The following ATL2 variants were observed in gnomAD, a reference collection of about 807,000 sequenced individuals.
ATL2 encodes atlastin GTPase 2.
ATL2 carries 31 observed loss-of-function variants against 73.9 expected under a neutral mutation model. The observed-to-expected ratio is 0.42, with a 90% CI of 0.32 to 0.57. The LOEUF is 0.57. Among genes scored for constraint, ATL2 ranks in the 20% least tolerant of loss-of-function variants. The pLI, the probability that ATL2 is intolerant of heterozygous loss-of-function variation, is 0.14. For missense variants in ATL2, 738 were observed against 702.6 expected (o/e 1.05, Z -0.57); for synonymous variants, 291 against 237.5 (o/e 1.23, Z -2.07).
At chr2:38,331,612 C>CAAAAAAA (rs35381890) in intron 2 of ATL2, among the ~76,000 whole-genome samples, 1 of 92,148 alleles carries the variant, frequency 1.1e-5, no homozygotes, top group African/African-American at 3.9e-5. Context: ...GACTCCATCT[C>CAAAAAAA]AAAAAAAAAA....
In ATL2 at chr2:38,360,008, T is replaced by G. The variant is rs147518178; in HGVS notation, c.119-16496A>C. On this transcript the variant is annotated intron_variant, in intron 1 of 12. Coordinates refer to ENST00000378954, the MANE Select transcript of ATL2 (RefSeq NM_001135673.4). ...AGCTGGGCGTGGTGGCAGATGCCTG[T>G]AATCCCAGCTACTTGGGAGGCTGAG... is the stretch of plus-strand genomic sequence containing the variant. Among the ~76,000 whole-genome samples, 1,048 of 151,590 alleles carry G rather than the reference T, an allele frequency of 6.9e-3. 11 individuals are homozygous for G. The highest frequency in any genetic ancestry group is 0.058 in the East Asian group (296 of 5,122).
intron 9 of ATL2, among the ~76,000 whole-genome samples, chr2:38,306,249 T>C (rs1456364740): frequency 3.3e-5 from 5 of 152,138 alleles, no homozygotes; most frequent in Non-Finnish European, 7.4e-5. Flanking sequence ...AAAGCCATAA[T>C]AAAAAGTCTC....
chr2:38,305,461 A>G (rs1045692109), intron 9 of ATL2, among the ~76,000 whole-genome samples: 3 of 152,146 alleles, frequency 2.0e-5, no homozygotes, highest in African/African-American at 7.2e-5. Flanking sequence ...AGGCAGGAGA[A>G]TCACTTGAAC....
chr2:38,358,688 T>C (rs1240524302), intron 1 of ATL2: 3 of 151,986 alleles, frequency 2.0e-5, no homozygotes, highest in South Asian at 1.5e-4. Flanking sequence ...CGAGACTCCG[T>C]CTGAAAAAAA....
chr2:38,361,123 G>A (rs1190510329), intron 1 of ATL2, among the ~76,000 whole-genome samples: 1 of 152,070 alleles, frequency 6.6e-6, no homozygotes, highest in Admixed American at 6.6e-5. Context: ...GGAGGCCGAG[G>A]CAGGTGGATC....
At chr2:38,330,700 T>C (rs1196681563) in intron 2 of ATL2, among the ~76,000 whole-genome samples, 1 of 152,194 alleles carries the variant, frequency 6.6e-6, no homozygotes, top group Non-Finnish European at 1.5e-5. Flanking sequence ...GCAAAACTTA[T>C]ACTCAAAAAC....
intron 1 of ATL2, among the ~76,000 whole-genome samples, chr2:38,353,744 C>G (rs1310254585): frequency 6.6e-6 from 1 of 152,122 alleles, no homozygotes; most frequent in African/African-American, 2.4e-5. Flanking sequence ...CAGAATAATT[C>G]AAATAACTGC....
chr2:38,344,710 G>A (rs1258544695), intron 1 of ATL2, among the ~76,000 whole-genome samples: 2 of 151,910 alleles, frequency 1.3e-5, no homozygotes, highest in African/African-American at 4.9e-5. Flanking sequence ...TACTTACAAT[G>A]AGTCCCTAAT....
chr2:38,370,109 C>A (rs1357929583), intron 1 of ATL2, among the ~76,000 whole-genome samples: 2 of 143,376 alleles, frequency 1.4e-5, no homozygotes, highest in Non-Finnish European at 3.0e-5. Flanking sequence ...GAGCCGAGAT[C>A]CCGCCACTGC....
At chr2:38,303,516 C>G (rs1667289680) in intron 9 of ATL2, among the ~76,000 whole-genome samples, 1 of 151,758 alleles carries the variant, frequency 6.6e-6, no homozygotes, top group Non-Finnish European at 1.5e-5. Flanking sequence ...AAGACCTGAA[C>G]AAGCAGAAGA....
intron 11 of ATL2, 126 bp from the exon 12 acceptor site, chr2:38,298,701 T>C (rs941545881): frequency 1.1e-6 from 1 of 918,628 alleles, no homozygotes; most frequent in Non-Finnish European, 1.7e-6. Context: ...TAAACTCACT[T>C]ACAATACCTC....
rs377334114 is a variant in ATL2 at position 38,377,137 on chromosome 2, C to A, written c.118+6G>T. 9.3e-6 allele frequency: 15 copies of A among 1,609,564 alleles called. No homozygotes were observed. The African/African-American group carries it at 1.6e-4, about 17-fold the overall frequency. ...GCCCCGCGGCCTCTGCCTCGCTGGCCCGTACCTAGGGAGGTCGTGGACGAG... is the reference window on the plus strand; with the variant it reads ...GCCCCGCGGCCTCTGCCTCGCTGGCACGTACCTAGGGAGGTCGTGGACGAG... On this transcript the variant is annotated splice_donor_region_variant and intron_variant, in intron 1 of 12. Coordinates refer to ENST00000378954, the MANE Select transcript of ATL2 (RefSeq NM_001135673.4).
chr2:38,376,078 T>C (rs543708711), intron 1 of ATL2: 1 of 1,425,212 alleles, frequency 7.0e-7, no homozygotes, highest in Admixed American at 2.7e-5. Context: ...AGCTCGTATC[T>C]GTATTTAATA....
At chr2:38,296,779 T>C (rs989945345) in intron 12 of ATL2, 1 of 1,542,756 alleles carries the variant, frequency 6.5e-7, no homozygotes, top group Non-Finnish European at 8.8e-7. Context: ...ACTAGCTGAT[T>C]ACCTTACCTA....
chr2:38,338,540 G>GAATAAATA (rs34379793), intron 2 of ATL2, among the ~76,000 whole-genome samples: 6,144 of 151,528 alleles, frequency 0.041, 180 homozygotes, highest in African/African-American at 0.079. Context: ...AGGATGGAAT[G>GAATAAATA]AATAAATAAA....
intron 9 of ATL2, among the ~76,000 whole-genome samples, chr2:38,307,884 CAAATCAAAACTACAGA>C (rs1469632871): frequency 6.6e-6 from 1 of 152,098 alleles, no homozygotes; most frequent in African/African-American, 2.4e-5. Flanking sequence ...CAGAGAAATG[CAAATCAAAACTACAGA>C]AAGATATCAT....
rs1320000635 is a variant in ATL2, at chr2:38,313,028, C to T, written c.804+123G>A. The stretch of plus-strand genomic sequence containing the variant: ...TCAATTACAAACAGAGTCACTTGGG[C>T]TAACCTGGAATACTTTATTCCAACG... On this transcript the variant is annotated intron_variant, in intron 7 of 12. Coordinates refer to ENST00000378954, the MANE Select transcript of ATL2 (RefSeq NM_001135673.4). 32 of 619,708 alleles carry T rather than the reference C, an allele frequency of 5.2e-5. No individual in the cohort carries two copies. In the East Asian group the frequency reaches 9.2e-4, roughly 18 times the overall value. 38.4% of individuals were successfully genotyped at this position (619,708 alleles called of 1,614,324 possible). A position where few individuals can be genotyped will look rare whatever the true frequency, so the allele number is the denominator to read the frequency against.
intron 2 of ATL2, among the ~76,000 whole-genome samples, chr2:38,323,364 T>G (rs1322787615): frequency 1.4e-5 from 2 of 141,662 alleles, no homozygotes; most frequent in African/African-American, 5.3e-5. Context: ...TTTTTTTTTT[T>G]TTTTTTTTTT....
chr2:38,378,461 G>C (rs1425381150), upstream of ATL2, among the ~76,000 whole-genome samples: 1 of 152,078 alleles, frequency 6.6e-6, no homozygotes, highest in Non-Finnish European at 1.5e-5. Context: ...CTGGTCTTGA[G>C]CTACTGACCT....
Sources: gnomAD v4.1 joint callset for allele counts (sites outside exome capture counted in the v4.1 genomes callset) on GRCh38, gnomAD v4.1.1 for gene constraint, MANE v1.5 for transcripts, NCBI Gene and HGNC (gene_info 2026-07-23, HGNC 2026-07-21) for gene names.